PPP3CC: variants seen among roughly 807,000 people sequenced by gnomAD.
The protein encoded by PPP3CC is protein phosphatase 3 catalytic subunit gamma.
Under a neutral mutation model 60.3 loss-of-function variants are expected in PPP3CC, and 35 were observed. The ratio of observed to expected loss-of-function variants is 0.58; its 90% confidence interval spans 0.44 to 0.77. PPP3CC has a LOEUF of 0.77. PPP3CC is among the 30% of genes least tolerant of loss of function. The probability of loss-of-function intolerance (pLI) is 0.00; values close to 1 mark genes in which losing one functional copy is unlikely to be tolerated. For missense variants in PPP3CC, 570 were observed against 628.9 expected, an observed-to-expected ratio of 0.91 and a Z score of 1.00; for synonymous variants, 206 against 224.3, an observed-to-expected ratio of 0.92 and a Z score of 0.73.
Position 22,483,577 on chromosome 8 carries a change from C to T in PPP3CC, c.372+7953C>T, listed in dbSNP as rs141657348. On this transcript the variant is annotated intron_variant, in intron 3 of 13. Transcript: ENST00000240139. ...CTGGGATTATAGGTGTGAGCCACTG[C>T]GCCCAGTCCCATATGTCATTTTATT... Among the ~76,000 whole-genome samples the T allele has an allele frequency of 3.4e-3, 516 of 152,308 alleles. 3 individuals carry two copies. The highest frequency in any genetic ancestry group is 7.6e-3 in the African/African-American group (317 of 41,572).
chr8:22,501,269 G>A (rs968942375), intron 4 of PPP3CC, among the ~76,000 whole-genome samples: 5 of 152,150 alleles, frequency 3.3e-5, no homozygotes, highest in Non-Finnish European at 7.3e-5. Context: ...TCATTTGTAG[G>A]AATTTATTAT....
intron 1 of PPP3CC, among the ~76,000 whole-genome samples, chr8:22,443,845 A>G: frequency 6.6e-6 from 1 of 152,312 alleles, no homozygotes; most frequent in South Asian, 2.1e-4. Context: ...TCACGTGTGC[A>G]TAGCTAAGGT....
chr8:22,533,773 C>T (rs567548402), intron 12 of PPP3CC, among the ~76,000 whole-genome samples: 51 of 152,198 alleles, frequency 3.4e-4, no homozygotes, highest in Non-Finnish European at 6.8e-4. Context: ...TGCAGTGAAC[C>T]GAGATCGCGC....
intron 1 of PPP3CC, among the ~76,000 whole-genome samples, chr8:22,444,853 A>AT (rs1295673043): frequency 6.0e-5 from 9 of 151,030 alleles, no homozygotes; most frequent in East Asian, 3.9e-4. Flanking sequence ...TGTCTGCTTT[A>AT]TTTTTTTTTC....
chr8:22,515,623 C>T (rs1839223303), intron 6 of PPP3CC, among the ~76,000 whole-genome samples: 1 of 152,184 alleles, frequency 6.6e-6, no homozygotes, highest in Non-Finnish European at 1.5e-5. Context: ...ACATCCTCAC[C>T]AGCATTTGTC....
chr8:22,471,280 C>CTTTTTTTTTTTTTTT lies in PPP3CC; in HGVS notation c.50-3670_50-3656dup, dbSNP rs557089522. On this transcript the variant is annotated intron_variant, in intron 1 of 13. Transcript: ENST00000240139. ...AATATTCCCTTACTCCTTGATCATTCTTTTTTTTTTTTTTTTTTGAGACTG... is the reference window on the plus strand; with the variant it reads ...AATATTCCCTTACTCCTTGATCATTCTTTTTTTTTTTTTTTTTTTTTTTTTTTTTTTTTGAGACTG... Among the ~76,000 whole-genome samples, 2 of 128,648 alleles carry CTTTTTTTTTTTTTTT rather than the reference C, an allele frequency of 1.6e-5. 1 individual carries two copies. Among genetic ancestry groups the CTTTTTTTTTTTTTTT allele is most frequent in the African/African-American group, 5.8e-5 (2 of 34,728 alleles). 84.4% of individuals were successfully genotyped at this position (128,648 alleles called of 152,430 possible).
intron 1 of PPP3CC, among the ~76,000 whole-genome samples, chr8:22,459,126 G>A (rs1362393827): frequency 6.6e-6 from 1 of 151,688 alleles, no homozygotes; most frequent in African/African-American, 2.4e-5. Context: ...GAGTATAGTG[G>A]TGCAGTCATA....
chr8:22,497,692 C>A (rs1334349031), intron 3 of PPP3CC, among the ~76,000 whole-genome samples: 1 of 152,012 alleles, frequency 6.6e-6, no homozygotes, highest in Non-Finnish European at 1.5e-5. Flanking sequence ...TGTTCCTGGT[C>A]TTAGTGAAAA....
intron 3 of PPP3CC, chr8:22,492,662 G>A: frequency 1.4e-6 from 1 of 708,914 alleles, no homozygotes; most frequent in Admixed American, 2.1e-5. Context: ...CAAACTGCAG[G>A]CACAAGTGCG....
intron 3 of PPP3CC, among the ~76,000 whole-genome samples, chr8:22,491,991 A>T (rs1360942341): frequency 6.6e-6 from 1 of 152,132 alleles, no homozygotes; most frequent in African/African-American, 2.4e-5. Context: ...TTACAGTGTC[A>T]TGCATCGTTT....
rs71206523 is a variant in PPP3CC at position 22,496,485 on chromosome 8, C to CTTTTTTTT, written c.373-1493_373-1486dup. On this transcript the variant is annotated intron_variant, in intron 3 of 13. Coordinates refer to ENST00000240139, the MANE Select transcript of PPP3CC (RefSeq NM_005605.5). ...AAGTTAAATTAGGGAGAACTGTAAT[C>CTTTTTTTT]TTTTTTTTTTTTTTTTTTTTTTTTT... Among the ~76,000 whole-genome samples the CTTTTTTTT allele has an allele frequency of 3.7e-4, 16 of 43,582 alleles. 2 individuals are homozygous for CTTTTTTTT. The highest frequency in any genetic ancestry group is 8.3e-4 in the African/African-American group (9 of 10,890). 28.6% of individuals were successfully genotyped at this position (43,582 alleles called of 152,430 possible).
chr8:22,470,394 T>C (rs888053373), intron 1 of PPP3CC, among the ~76,000 whole-genome samples: 3 of 152,282 alleles, frequency 2.0e-5, no homozygotes, highest in East Asian at 3.9e-4. Flanking sequence ...AATTTCTACA[T>C]TTTCTATATT....
intron 1 of PPP3CC, among the ~76,000 whole-genome samples, chr8:22,448,523 G>T (rs978198907): frequency 1.3e-5 from 2 of 151,908 alleles, no homozygotes; most frequent in Non-Finnish European, 2.9e-5. Flanking sequence ...GGGATTACAG[G>T]CATGCACCAC....
chr8:22,499,105 C>T (rs964620474), intron 4 of PPP3CC, among the ~76,000 whole-genome samples: 4 of 147,912 alleles, frequency 2.7e-5, no homozygotes, highest in African/African-American at 1.0e-4. Context: ...GGCAACAGAG[C>T]GAGACTCCGA....
chr8:22,457,507 G>A (rs1158683433), intron 1 of PPP3CC, among the ~76,000 whole-genome samples: 5 of 151,652 alleles, frequency 3.3e-5, no homozygotes, highest in East Asian at 3.9e-4. Flanking sequence ...AGGGTTTCAC[G>A]ATGTTGGCCA....
chr8:22,451,919 T>G (rs1456990318), intron 1 of PPP3CC, among the ~76,000 whole-genome samples: 1 of 152,174 alleles, frequency 6.6e-6, no homozygotes, highest in Non-Finnish European at 1.5e-5. Flanking sequence ...AATCTGAAAT[T>G]GAAATGCTTC....
At position 22,528,583 on chromosome 8, in the gene PPP3CC, CTT is replaced by C. The variant is rs758672283; in HGVS notation, c.1141+9_1141+10del. 2 of 1,521,436 alleles carry C rather than the reference CTT, an allele frequency of 1.3e-6. No individual in the cohort carries two copies. The highest frequency in any genetic ancestry group is 1.4e-5 in the South Asian group (1 of 71,446). 94.2% of individuals were successfully genotyped at this position (1,521,436 alleles called of 1,614,324 possible). ...TTCTGATGATGAAGCAGAAGGTAAACTTTTCCTCCTTTGAACTAAAACTAGAA... is the reference window on the plus strand; with the variant it reads ...TTCTGATGATGAAGCAGAAGGTAAACTTCCTCCTTTGAACTAAAACTAGAA... On this transcript the variant is annotated splice_region_variant and intron_variant, in intron 10 of 13. Coordinates refer to ENST00000240139, the MANE Select transcript of PPP3CC (RefSeq NM_005605.5).
intron 4 of PPP3CC, among the ~76,000 whole-genome samples, chr8:22,506,949 A>T (rs961760813): frequency 4.5e-4 from 67 of 150,498 alleles, no homozygotes; most frequent in African/African-American, 5.8e-4. Context: ...TTAATTAATT[A>T]AATTAAATAA....
At chr8:22,533,767 G>A (rs1839780109) in intron 12 of PPP3CC, among the ~76,000 whole-genome samples, 1 of 152,218 alleles carries the variant, frequency 6.6e-6, no homozygotes, top group Admixed American at 6.5e-5. Context: ...GGAGGTTGCA[G>A]TGAACCGAGA....
Sources: allele counts gnomAD v4.1 joint callset (sites outside exome capture counted in the v4.1 genomes callset), GRCh38; gene constraint gnomAD v4.1.1; transcripts MANE v1.5; gene names NCBI Gene and HGNC (gene_info 2026-07-23, HGNC 2026-07-21).